The following NPIPB12 variants were observed in gnomAD, a reference collection of about 807,000 sequenced individuals.
NPIPB12 encodes the protein nuclear pore complex interacting protein family member B12.
intron 2 of NPIPB12, among the ~76,000 whole-genome samples, chr16:29,495,181 A>T (rs1423462028): frequency 2.3e-4 from 34 of 145,758 alleles, no homozygotes; most frequent in African/African-American, 6.9e-4. Context: ...TTTAGAAAGA[A>T]TTTCCTATTT....
At chr16:29,490,904 TA>T (rs1156982100) in intron 4 of NPIPB12, among the ~76,000 whole-genome samples, 154 of 56,694 alleles carry the variant, frequency 2.7e-3, no homozygotes, top group African/African-American at 8.8e-3. Context: ...ATCTCAAAAT[TA>T]AAAAAAAAAA....
At chr16:29,498,324 A>AAATAAATAAATG (rs1965165160) in intron 1 of NPIPB12, among the ~76,000 whole-genome samples, 1 of 125,572 alleles carries the variant, frequency 8.0e-6, no homozygotes, top group Non-Finnish European at 1.5e-5. Context: ...ATAAATAAAT[A>AAATAAATAAATG]AATAAATAAA....
At chr16:29,495,198 C>T (rs1387328635) in intron 2 of NPIPB12, among the ~76,000 whole-genome samples, 22 of 145,278 alleles carry the variant, frequency 1.5e-4, no homozygotes, top group African/African-American at 4.2e-4. Flanking sequence ...ATTTAAGTGA[C>T]GAAACCTCAT....
At chr16:29,490,503 G>C in intron 4 of NPIPB12, among the ~76,000 whole-genome samples, 1 of 149,526 alleles carries the variant, frequency 6.7e-6, no homozygotes, top group East Asian at 2.0e-4. Flanking sequence ...GGGAGGCCGA[G>C]GTGTGCGGAT....
chr16:29,492,181 T>TA (rs1965093612), intron 2 of NPIPB12, among the ~76,000 whole-genome samples: 1 of 44,524 alleles, frequency 2.2e-5, no homozygotes. Flanking sequence ...CTCTGTCACA[T>TA]ACACACACAC....
chr16:29,492,813 T>A (rs1276377960), intron 2 of NPIPB12, among the ~76,000 whole-genome samples: 56 of 104,948 alleles, frequency 5.3e-4, no homozygotes, highest in African/African-American at 5.5e-4. Flanking sequence ...AAAAAAAAAA[T>A]GACATGAATA....
At chr16:29,504,520 G>C (rs1331220814) in intron 2 of NPIPB12, among the ~76,000 whole-genome samples, 24 of 76,182 alleles carry the variant, frequency 3.2e-4, no homozygotes, top group Non-Finnish European at 4.0e-4. Flanking sequence ...ATATATGTGT[G>C]TGTGTGTGTG....
At chr16:29,497,215 C>T (rs1333016631) in intron 1 of NPIPB12, among the ~76,000 whole-genome samples, 1 of 82,036 alleles carries the variant, frequency 1.2e-5, no homozygotes. Flanking sequence ...AATTTTAGTG[C>T]TTAAAAATTA....
intron 1 of NPIPB12, among the ~76,000 whole-genome samples, chr16:29,498,418 T>C (rs1596717846): frequency 2.7e-5 from 3 of 112,256 alleles, no homozygotes; most frequent in Non-Finnish European, 5.5e-5. Flanking sequence ...CTTAAGGTTA[T>C]ATATTTTGGC....
upstream of NPIPB12, chr16:29,505,915 C>CA (rs1433376701): frequency 3.5e-6 from 1 of 286,406 alleles, no homozygotes; most frequent in African/African-American, 2.9e-5. Flanking sequence ...TCATTTCTGT[C>CA]ATAATTAGTG....
Sources: gnomAD v4.1 joint callset for allele counts (sites outside exome capture counted in the v4.1 genomes callset) on GRCh38, gnomAD v4.1.1 for gene constraint, MANE v1.5 for transcripts, NCBI Gene and HGNC (gene_info 2026-07-23, HGNC 2026-07-21) for gene names.